The following RYR3 variants were observed in gnomAD, a reference collection of about 807,000 sequenced individuals.
RYR3 encodes the protein brain ryanodine receptor-calcium release channel.
A neutral mutation model predicts 584.3 loss-of-function variants in RYR3; 207 were observed. That is an observed-to-expected ratio of 0.35 (90% CI 0.32 to 0.40). RYR3 has a LOEUF of 0.40. Among genes scored for constraint, RYR3 ranks in the 10% least tolerant of loss-of-function variants. The probability of loss-of-function intolerance (pLI) is 1.00; values close to 1 mark genes in which losing one functional copy is unlikely to be tolerated. For synonymous variants in RYR3, 2,416 were observed against 2,248.5 expected (o/e 1.07, Z -2.11); for missense variants, 5,616 against 6,089.2 (o/e 0.92, Z 2.59).
chr15:33,359,905 G>A (rs552840714), intron 1 of RYR3, among the ~76,000 whole-genome samples: 2 of 151,892 alleles, frequency 1.3e-5, no homozygotes, highest in East Asian at 3.9e-4. Context: ...ATAGGCGTGA[G>A]CCACCGGGCC....
At chr15:33,352,601 C>T (rs16969942) in intron 1 of RYR3, among the ~76,000 whole-genome samples, 3,649 of 152,180 alleles carry the variant, frequency 0.024, 57 homozygotes, top group Non-Finnish European at 0.034. Context: ...TTATCAGCTG[C>T]GTGGCTTTAA....
chr15:33,742,327 T>A (rs1265651802), intron 51 of RYR3, 39 bp from the exon 52 acceptor site: 1 of 1,296,164 alleles, frequency 7.7e-7, no homozygotes, highest in East Asian at 2.3e-5. Flanking sequence ...CTGGCTGAAG[T>A]GCTTGGGGAG....
chr15:33,463,652 T>G (rs1305270785), intron 1 of RYR3, among the ~76,000 whole-genome samples: 2 of 152,206 alleles, frequency 1.3e-5, no homozygotes, highest in Admixed American at 6.5e-5. Context: ...CCCTAATGCC[T>G]GCATGCCGCT....
chr15:33,757,594 C>T lies in RYR3; in HGVS notation c.8703C>T (p.Ala2901=), dbSNP rs186614396. ...YASHKEKEMV[A]GLFCKLAALV... is the part of the protein sequence containing the mutation. Reference sequence around the variant, plus strand: ...CCCATAAGGAGAAAGAAATGGTGGCCGGGTGAGTCTACAAGATAAAGGGAA... The same window carrying T: ...CCCATAAGGAGAAAGAAATGGTGGCTGGGTGAGTCTACAAGATAAAGGGAA... The change falls in exon 60 of 104, where the codon GCC becomes GCT. Residue 2901 remains alanine (A), a splice_region_variant and synonymous_variant. Transcript: ENST00000634891. 9.6e-4 allele frequency: 1,538 copies of T among 1,609,528 alleles called. No individual in the cohort carries two copies. The highest frequency in any genetic ancestry group is 1.2e-3 in the Non-Finnish European group (1,431 of 1,178,202).
chr15:33,586,532 C>T (rs544516450), intron 16 of RYR3, among the ~76,000 whole-genome samples: 30 of 152,300 alleles, frequency 2.0e-4, no homozygotes, highest in Non-Finnish European at 4.4e-4. Context: ...GTCTTAGCAA[C>T]ATGGTTTGTT....
At chr15:33,762,285 G>A (rs907352152) in intron 60 of RYR3, among the ~76,000 whole-genome samples, 20 of 152,134 alleles carry the variant, frequency 1.3e-4, no homozygotes, top group African/African-American at 4.1e-4. Context: ...GAAATAAAGC[G>A]TATTCAAATT....
Position 33,601,701 on chromosome 15 carries a change from G to A in RYR3, c.1922+149G>A, listed in dbSNP as rs146478271. ...ACATAAGACAAGACCAAGCAAATGT[G>A]CATTTCCTATGACTAGGGCCTCCAA... On this transcript the variant is annotated intron_variant, in intron 17 of 103. Coordinates refer to ENST00000634891, the MANE Select transcript of RYR3 (RefSeq NM_001036.6). 47 of 787,976 alleles carry A rather than the reference G, an allele frequency of 6.0e-5. No homozygotes were observed. In the East Asian group the frequency reaches 1.2e-3, roughly 21 times the overall value. 48.8% of individuals were successfully genotyped at this position (787,976 alleles called of 1,614,324 possible). A position where few individuals can be genotyped will look rare whatever the true frequency, so the allele number is the denominator to read the frequency against.
chr15:33,663,593 C>T lies in RYR3; in HGVS notation c.5475C>T (p.Ala1825=), dbSNP rs1184215748. 3 of 1,613,678 alleles carry T rather than the reference C, an allele frequency of 1.9e-6. No individual in the cohort carries two copies. The highest frequency in any genetic ancestry group is 1.3e-5 in the African/African-American group (1 of 74,918). The change falls in exon 36 of 104, where the codon GCC becomes GCT. Residue 1825 remains alanine (A), a synonymous_variant. Transcript: ENST00000634891. ...GTGAGCTGCAGCACCGAGTGGAGGC[C>T]ATTGTGGCATTTGGTGACATTTATG... The part of the protein sequence containing the change: ...CDCELQHRVE[A]IVAFGDIYVS...
chr15:33,339,399 T>C lies in RYR3; in HGVS notation c.51+28303T>C, dbSNP rs144280483. Reference sequence around the variant, plus strand: ...GGAACGAGTTACAAGACTTTAAGTTTAGTCCAGGCAAGAGATGACAGAAGT... The same window carrying C: ...GGAACGAGTTACAAGACTTTAAGTTCAGTCCAGGCAAGAGATGACAGAAGT... On this transcript the variant is annotated intron_variant, in intron 1 of 103. Coordinates refer to ENST00000634891, the MANE Select transcript of RYR3 (RefSeq NM_001036.6). Among the ~76,000 whole-genome samples the C allele has an allele frequency of 8.4e-3, 1,273 of 152,318 alleles. 25 individuals carry two copies. Among genetic ancestry groups the C allele is most frequent in the African/African-American group, 0.029 (1,199 of 41,576 alleles).
intron 1 of RYR3, among the ~76,000 whole-genome samples, chr15:33,323,775 G>A (rs1178737111): frequency 1.3e-5 from 2 of 152,122 alleles, no homozygotes; most frequent in Non-Finnish European, 2.9e-5. Flanking sequence ...CTGTTTGGGA[G>A]GTGGTAACTT....
intron 11 of RYR3, among the ~76,000 whole-genome samples, chr15:33,564,206 G>A (rs1398037649): frequency 6.6e-6 from 1 of 152,180 alleles, no homozygotes; most frequent in Non-Finnish European, 1.5e-5. Context: ...GGTGCCAAGA[G>A]TCCAGAGTAG....
At chr15:33,627,943 A>G (rs1413793401) in intron 20 of RYR3, among the ~76,000 whole-genome samples, 2 of 152,208 alleles carry the variant, frequency 1.3e-5, no homozygotes, top group East Asian at 1.9e-4. Flanking sequence ...GGGAAGGATA[A>G]TAGGATGACT....
At chr15:33,556,764 A>G (rs913442219) in intron 10 of RYR3, among the ~76,000 whole-genome samples, 1 of 151,774 alleles carries the variant, frequency 6.6e-6, no homozygotes, top group Non-Finnish European at 1.5e-5. Flanking sequence ...TCCCTTCCTC[A>G]TTGCCCTTCA....
At chr15:33,858,054 G>A (rs2079888964) in intron 99 of RYR3, 140 bp downstream of exon 99, 2 of 1,098,336 alleles carry the variant, frequency 1.8e-6, no homozygotes, top group Admixed American at 2.7e-5. Flanking sequence ...GATTAAAGTA[G>A]AAGACAGATG....
intron 1 of RYR3, among the ~76,000 whole-genome samples, chr15:33,413,877 G>T (rs1462767341): frequency 6.6e-6 from 1 of 152,122 alleles, no homozygotes; most frequent in Non-Finnish European, 1.5e-5. Context: ...TTAGAGTATT[G>T]TCATATTTAT....
rs965898952 is a variant in RYR3, at chr15:33,570,494, A to G, written c.1268+3695A>G. ...TCTTAATTAATGTGCCTTTATAGTA[A>G]GTATTGAAATCATGTACAGTGAATG... is the stretch of plus-strand genomic sequence containing the variant. On this transcript the variant is annotated intron_variant, in intron 12 of 103. Transcript: ENST00000634891. 2.2e-4 allele frequency among the ~76,000 whole-genome samples: 34 copies of G among 152,218 alleles called. 1 individual carries two copies. Among genetic ancestry groups the G allele is most frequent in the African/African-American group, 7.9e-4 (33 of 41,554 alleles).
rs536366636 is a variant in RYR3, at chr15:33,706,239, T to C, written c.6484-680T>C. 3.3e-5 allele frequency among the ~76,000 whole-genome samples: 5 copies of C among 152,370 alleles called. 1 individual carries two copies. The highest frequency in any genetic ancestry group is 1.2e-4 in the African/African-American group (5 of 41,604). On this transcript the variant is annotated intron_variant, in intron 42 of 103. Coordinates refer to ENST00000634891, the MANE Select transcript of RYR3 (RefSeq NM_001036.6). ...TTATTGTGTTAAAATACACAAAATA[T>C]ATAATTTACTATCTTGATCATTTTT...
At chr15:33,759,994 T>G (rs1274277210) in intron 60 of RYR3, among the ~76,000 whole-genome samples, 4 of 151,918 alleles carry the variant, frequency 2.6e-5, no homozygotes, top group Non-Finnish European at 5.9e-5. Flanking sequence ...TTCAACATTC[T>G]TAAGGGAATT....
intron 57 of RYR3, among the ~76,000 whole-genome samples, chr15:33,752,791 G>A (rs2152853979): frequency 6.6e-6 from 1 of 152,284 alleles, no homozygotes; most frequent in South Asian, 2.1e-4. Context: ...GTGAGAGAGG[G>A]CATCCTTGTC....
Sources: allele counts gnomAD v4.1 joint callset (sites outside exome capture counted in the v4.1 genomes callset), GRCh38; gene constraint gnomAD v4.1.1; transcripts MANE v1.5; gene names NCBI Gene and HGNC (gene_info 2026-07-23, HGNC 2026-07-21).